GRIA1: variants seen among roughly 807,000 people sequenced by gnomAD.
GRIA1 encodes the protein glutamate receptor 1.
GRIA1 carries 31 observed loss-of-function variants against 99.2 expected under a neutral mutation model. That is an observed-to-expected ratio of 0.31 (90% CI 0.23 to 0.42). The LOEUF (loss-of-function observed/expected upper bound fraction) is 0.42. Among genes scored for constraint, GRIA1 ranks in the 10% least tolerant of loss-of-function variants. The pLI is 1.00. For missense variants in GRIA1, 782 were observed against 1,157.5 expected (o/e 0.68, Z 4.71); for synonymous variants, 438 against 432.4 (o/e 1.01, Z -0.16).
Position 153,772,553 on chromosome 5 carries a change from A to G in GRIA1, c.2270+2138A>G, listed in dbSNP as rs181190650. 3.9e-5 allele frequency among the ~76,000 whole-genome samples: 6 copies of G among 152,332 alleles called. No individual in the cohort carries two copies. In the East Asian group the frequency reaches 1.2e-3, roughly 29 times the overall value. Reference sequence around the variant, plus strand: ...ATACTTTGAAGAACTTTAAGTAATTATCGGAAAATTGAGAGAATAAAGATA... The same window carrying G: ...ATACTTTGAAGAACTTTAAGTAATTGTCGGAAAATTGAGAGAATAAAGATA... On this transcript the variant is annotated intron_variant, in intron 13 of 15. Coordinates refer to ENST00000285900, the MANE Select transcript of GRIA1 (RefSeq NM_000827.4).
intron 11 of GRIA1, among the ~76,000 whole-genome samples, chr5:153,708,930 A>G (rs988095122): frequency 1.3e-5 from 2 of 152,204 alleles, no homozygotes; most frequent in Non-Finnish European, 2.9e-5. Flanking sequence ...ACTTTTTTTA[A>G]TCAAGCCAAC....
chr5:153,718,066 G>A (rs1303371546), intron 11 of GRIA1, among the ~76,000 whole-genome samples: 2 of 151,848 alleles, frequency 1.3e-5, no homozygotes, highest in African/African-American at 2.4e-5. Context: ...TCATCACTCC[G>A]ATGTTTTAAA....
intron 2 of GRIA1, among the ~76,000 whole-genome samples, chr5:153,575,478 A>C (rs551281853): frequency 6.6e-6 from 1 of 152,200 alleles, no homozygotes; most frequent in African/African-American, 2.4e-5. Flanking sequence ...AAATTTACTC[A>C]TGAAAATTTA....
At chr5:153,737,402 C>A in intron 11 of GRIA1, among the ~76,000 whole-genome samples, 1 of 151,260 alleles carries the variant, frequency 6.6e-6, no homozygotes, top group Non-Finnish European at 1.5e-5. Context: ...TAGTAAATGG[C>A]ACAACTGGAG....
intron 2 of GRIA1, among the ~76,000 whole-genome samples, chr5:153,515,769 G>A (rs944064270): frequency 1.3e-5 from 2 of 152,042 alleles, no homozygotes; most frequent in South Asian, 2.1e-4. Context: ...TTTTAAAAAG[G>A]CTATTTTTCT....
intron 10 of GRIA1, among the ~76,000 whole-genome samples, chr5:153,704,952 A>C (rs1021479770): frequency 6.6e-6 from 1 of 152,248 alleles, no homozygotes; most frequent in Non-Finnish European, 1.5e-5. Context: ...CAGATTGCAC[A>C]TAGTAAGTGT....
chr5:153,668,134 G>A lies in GRIA1; in HGVS notation c.700-6366G>A, dbSNP rs534063541. Among the ~76,000 whole-genome samples, 6 of 151,846 alleles carry A rather than the reference G, an allele frequency of 4.0e-5. No individual in the cohort carries two copies. The South Asian group carries it at 8.3e-4, about 21-fold the overall frequency. On this transcript the variant is annotated intron_variant, in intron 5 of 15. Coordinates refer to ENST00000285900, the MANE Select transcript of GRIA1 (RefSeq NM_000827.4). ...CTCAGTTTCCCTATCTGAACAATAT[G>A]AGGGGTTTGTTTTACCTCCTACAGT...
At chr5:153,783,834 G>T (rs910166932) in intron 13 of GRIA1, among the ~76,000 whole-genome samples, 2 of 152,190 alleles carry the variant, frequency 1.3e-5, no homozygotes, top group African/African-American at 4.8e-5. Context: ...AGTTTGCTGT[G>T]ATAAAACATG....
intron 11 of GRIA1, among the ~76,000 whole-genome samples, chr5:153,752,671 G>A (rs1762576384): frequency 6.6e-6 from 1 of 152,194 alleles, no homozygotes; most frequent in African/African-American, 2.4e-5. Context: ...TCAGTGACCA[G>A]CAGTGTCTGC....
intron 2 of GRIA1, among the ~76,000 whole-genome samples, chr5:153,592,991 C>T (rs1288863499): frequency 2.0e-5 from 3 of 152,156 alleles, no homozygotes; most frequent in South Asian, 2.1e-4. Context: ...AACTGCCAGG[C>T]GCAGTGGCTC....
intron 2 of GRIA1, among the ~76,000 whole-genome samples, chr5:153,512,288 G>T (rs1756167188): frequency 6.6e-6 from 1 of 152,072 alleles, no homozygotes; most frequent in Non-Finnish European, 1.5e-5. Flanking sequence ...TGAGTGATTG[G>T]ACTTTACACG....
chr5:153,682,036 C>CAAAAAAAAAAA (rs11351483), intron 7 of GRIA1, among the ~76,000 whole-genome samples: 1 of 133,622 alleles, frequency 7.5e-6, no homozygotes. Flanking sequence ...GAGACTATGT[C>CAAAAAAAAAAA]AAAAAAAAAA....
At chr5:153,507,590 A>C (rs1444344231) in intron 2 of GRIA1, among the ~76,000 whole-genome samples, 1 of 152,010 alleles carries the variant, frequency 6.6e-6, no homozygotes, top group Non-Finnish European at 1.5e-5. Context: ...TTATGTGTTG[A>C]TTTCACCACC....
chr5:153,675,280 C>T (rs1351833226), intron 6 of GRIA1, among the ~76,000 whole-genome samples: 2 of 151,792 alleles, frequency 1.3e-5, no homozygotes, highest in African/African-American at 4.8e-5. Flanking sequence ...AGTGAGGTGG[C>T]CCTTATTCTG....
At chr5:153,497,023 G>C (rs1754503482) in intron 2 of GRIA1, among the ~76,000 whole-genome samples, 1 of 152,130 alleles carries the variant, frequency 6.6e-6, no homozygotes, top group South Asian at 2.1e-4. Context: ...TTAGCAGCAG[G>C]GGACTAAAAA....
chr5:153,657,438 A>G (rs1183342767), intron 5 of GRIA1, among the ~76,000 whole-genome samples: 2 of 152,194 alleles, frequency 1.3e-5, no homozygotes, highest in Non-Finnish European at 2.9e-5. Flanking sequence ...CTAGCTTTTT[A>G]TCTATAACAA....
At chr5:153,770,017 C>T in intron 12 of GRIA1, 151 bp from the exon 13 acceptor site, 2 of 738,852 alleles carry the variant, frequency 2.7e-6, no homozygotes, top group South Asian at 3.4e-5. Flanking sequence ...TAATTAGAGC[C>T]TCTTATTTTG....
At chr5:153,548,175 C>A (rs1389289) in intron 2 of GRIA1, among the ~76,000 whole-genome samples, 3 of 151,808 alleles carry the variant, frequency 2.0e-5, no homozygotes, top group African/African-American at 7.3e-5. Context: ...TTTTAAGGTG[C>A]TGTGATTTCA....
chr5:153,719,450 C>T (rs1022167365), intron 11 of GRIA1, among the ~76,000 whole-genome samples: 1 of 151,932 alleles, frequency 6.6e-6, no homozygotes, highest in Admixed American at 6.6e-5. Context: ...AACTTGACAG[C>T]TGGGGGGAGG....
Sources: gnomAD v4.1 joint callset for allele counts (sites outside exome capture counted in the v4.1 genomes callset) on GRCh38, gnomAD v4.1.1 for gene constraint, MANE v1.5 for transcripts, NCBI Gene and HGNC (gene_info 2026-07-23, HGNC 2026-07-21) for gene names.